The following SUN3 variants were observed in gnomAD, a reference collection of about 807,000 sequenced individuals.
SUN3 encodes the protein Sad1 and UNC84 domain containing 3.
Under a neutral mutation model 48.2 loss-of-function variants are expected in SUN3, and 36 were observed. The ratio of observed to expected loss-of-function variants is 0.75; its 90% CI spans 0.57 to 0.99. The LOEUF (loss-of-function observed/expected upper bound fraction) is 0.99. SUN3 is among the 50% of genes least tolerant of loss of function. SUN3 has a pLI of 0.00. For synonymous variants in SUN3, 148 were observed against 147.9 expected (o/e 1.00, Z 0.00); for missense variants, 419 against 433.1 (o/e 0.97, Z 0.29).
chr7:47,999,745 G>A (rs569867298), intron 6 of SUN3, among the ~76,000 whole-genome samples: 27 of 152,346 alleles, frequency 1.8e-4, no homozygotes, highest in East Asian at 1.9e-4. Context: ...AGGTTGGCCA[G>A]GCTGGTCTCG....
Position 47,994,566 on chromosome 7 carries a change from G to A in SUN3, c.694-84C>T, listed in dbSNP as rs554434941. 3.6e-6 allele frequency: 5 copies of A among 1,396,888 alleles called. No individual in the cohort carries two copies. In the East Asian group the frequency reaches 9.6e-5, roughly 27 times the overall value. The allele number at this position is 1,396,888 out of a possible 1,614,324, so 86.5% of individuals were successfully genotyped here. A position where few individuals can be genotyped will look rare whatever the true frequency, so the allele number is the denominator to read the frequency against. On this transcript the variant is annotated intron_variant, in intron 7 of 9. Transcript: ENST00000297325. ...ACTGGTCAGCTAATCACTATTGACT[G>A]CAGATCTCTCTTATGCCTATCAAAT...
At chr7:48,007,382 A>G (rs921368347) in intron 4 of SUN3, 55 bp from the exon 5 acceptor site, 39 of 1,559,794 alleles carry the variant, frequency 2.5e-5, no homozygotes, top group African/African-American at 4.1e-5. Flanking sequence ...TCCTGTTATC[A>G]GCTGTTGCTG....
chr7:48,021,183 G>A (rs1156617002), intron 2 of SUN3, among the ~76,000 whole-genome samples: 1 of 152,104 alleles, frequency 6.6e-6, no homozygotes, highest in Admixed American at 6.6e-5. Context: ...TCAATAAATG[G>A]TGCTGGGAAA....
intron 8 of SUN3, among the ~76,000 whole-genome samples, chr7:47,990,495 C>A (rs150502295): frequency 1.1e-4 from 16 of 152,040 alleles, no homozygotes; most frequent in African/African-American, 3.9e-4. Context: ...GGTGCCGGCG[C>A]GGGTCCTCCG....
chr7:47,994,177 T>C, intron 8 of SUN3, 138 bp downstream of exon 8: 1 of 720,010 alleles, frequency 1.4e-6, no homozygotes, highest in Non-Finnish European at 2.3e-6. Context: ...CTCTCTCTCT[T>C]TGTAGGTGAG....
chr7:47,998,362 T>C (rs1177269623), intron 6 of SUN3, among the ~76,000 whole-genome samples: 2 of 152,236 alleles, frequency 1.3e-5, no homozygotes, highest in Non-Finnish European at 2.9e-5. Context: ...CATGCATTTA[T>C]CTTCTTTAAT....
At chr7:47,996,802 CTTTTT>C (rs35247146) in intron 6 of SUN3, among the ~76,000 whole-genome samples, 1 of 135,354 alleles carries the variant, frequency 7.4e-6, no homozygotes, top group Admixed American at 7.6e-5. Flanking sequence ...TTCTTTCCTT[CTTTTT>C]TTTTTTTTTT....
intron 4 of SUN3, among the ~76,000 whole-genome samples, chr7:48,008,276 G>A (rs891444430): frequency 7.9e-5 from 12 of 152,100 alleles, no homozygotes; most frequent in African/African-American, 1.4e-4. Context: ...GTTTGAATTC[G>A]GGAAAAAACC....
intron 6 of SUN3, among the ~76,000 whole-genome samples, chr7:48,001,826 G>A (rs1406508281): frequency 6.6e-6 from 1 of 152,138 alleles, no homozygotes; most frequent in African/African-American, 2.4e-5. Context: ...GTGAGCCACC[G>A]TGCCTGGCCA....
At chr7:48,032,940 T>C (rs1460996150), upstream of SUN3, among the ~76,000 whole-genome samples, 1 of 152,226 alleles carries the variant, frequency 6.6e-6, no homozygotes, top group Non-Finnish European at 1.5e-5. Flanking sequence ...CCAGAGGGCT[T>C]TGAAAAATCA....
chr7:48,025,997 G>T, intron 1 of SUN3, 59 bp from the exon 2 acceptor site: 1 of 1,225,512 alleles, frequency 8.2e-7, no homozygotes, highest in South Asian at 1.3e-5. Context: ...CATTTAACTT[G>T]GACTTTAGCC....
At chr7:48,001,673 A>C (rs1789380476) in intron 6 of SUN3, among the ~76,000 whole-genome samples, 2 of 151,736 alleles carry the variant, frequency 1.3e-5, no homozygotes, top group Non-Finnish European at 2.9e-5. Context: ...AGCTGGGACT[A>C]CAGGTGCCCG....
At chr7:48,009,194 G>A in intron 3 of SUN3, 119 bp from the exon 4 acceptor site, 1 of 955,272 alleles carries the variant, frequency 1.0e-6, no homozygotes, top group Non-Finnish European at 1.5e-6. Context: ...AGATGTGCTG[G>A]CTGGAACTCA....
chr7:47,992,611 G>T (rs1789097459), intron 8 of SUN3, among the ~76,000 whole-genome samples: 1 of 151,926 alleles, frequency 6.6e-6, no homozygotes, highest in South Asian at 2.1e-4. Flanking sequence ...ATGCATGAGT[G>T]AAATCCCACG....
At chr7:48,011,178 A>G (rs556105072) in intron 3 of SUN3, among the ~76,000 whole-genome samples, 1 of 152,330 alleles carries the variant, frequency 6.6e-6, no homozygotes, top group East Asian at 1.9e-4. Flanking sequence ...AGGTAGACAT[A>G]TCTTTTTGGG....
At chr7:47,990,170 T>G (rs921801655) in intron 8 of SUN3, among the ~76,000 whole-genome samples, 43 of 151,882 alleles carry the variant, frequency 2.8e-4, no homozygotes, top group African/African-American at 1.0e-3. Flanking sequence ...ATCTGTCTCC[T>G]GCTCGTCCCT....
intron 8 of SUN3, among the ~76,000 whole-genome samples, chr7:47,991,647 A>C (rs1358374469): frequency 6.6e-6 from 1 of 152,108 alleles, no homozygotes; most frequent in Non-Finnish European, 1.5e-5. Context: ...CAAACAGAAA[A>C]ACCAAAAAGT....
chr7:47,999,408 AT>A (rs1377209979), intron 6 of SUN3, among the ~76,000 whole-genome samples: 1 of 151,870 alleles, frequency 6.6e-6, no homozygotes, highest in African/African-American at 2.4e-5. Flanking sequence ...GAATAGAGCC[AT>A]TTTTTTCCTT....
At chr7:48,001,782 C>T (rs1260658923) in intron 6 of SUN3, among the ~76,000 whole-genome samples, 7 of 152,132 alleles carry the variant, frequency 4.6e-5, no homozygotes, top group East Asian at 3.9e-4. Context: ...GTGATCTGCC[C>T]GCCTCGGCCT....
Sources: allele counts gnomAD v4.1 joint callset (sites outside exome capture counted in the v4.1 genomes callset), GRCh38; gene constraint gnomAD v4.1.1; transcripts MANE v1.5; gene names NCBI Gene and HGNC (gene_info 2026-07-23, HGNC 2026-07-21).